The following RARB variants were observed in gnomAD, a reference collection of about 807,000 sequenced individuals.
The protein encoded by RARB is HBV-activated protein.
Under a neutral mutation model 51.9 loss-of-function variants are expected in RARB, and 17 were observed. The observed-to-expected ratio is 0.33, with a 90% CI of 0.22 to 0.49. The LOEUF (loss-of-function observed/expected upper bound fraction) is 0.49, where lower values mean the gene tolerates loss of function less well. Among genes scored for constraint, RARB ranks in the 20% least tolerant of loss-of-function variants. The pLI, the probability that RARB is intolerant of heterozygous loss-of-function variation, is 0.99. For synonymous variants in RARB, 215 were observed against 195.4 expected, an observed-to-expected ratio of 1.10 and a Z score of -0.84; for missense variants, 369 against 550.8, an observed-to-expected ratio of 0.67 and a Z score of 3.30.
chr3:24,964,996 T>A (rs1443357666), intron 2 of RARB, among the ~76,000 whole-genome samples: 1 of 152,328 alleles, frequency 6.6e-6, no homozygotes, highest in Middle Eastern at 3.4e-3. Context: ...AAAGATACTA[T>A]GAAGATGAAT....
At chr3:24,886,202 G>A (rs1703262842) in intron 2 of RARB, among the ~76,000 whole-genome samples, 1 of 152,146 alleles carries the variant, frequency 6.6e-6, no homozygotes, top group Non-Finnish European at 1.5e-5. Context: ...TTTTGACATT[G>A]AAATATACCT....
At chr3:24,928,616 C>T (rs542695688) in intron 2 of RARB, among the ~76,000 whole-genome samples, 1 of 152,038 alleles carries the variant, frequency 6.6e-6, no homozygotes, top group East Asian at 1.9e-4. Flanking sequence ...CAGCTTTAAG[C>T]TTCTCAGCAA....
At chr3:25,227,179 C>T (rs1200243747) in intron 5 of RARB, among the ~76,000 whole-genome samples, 4 of 151,980 alleles carry the variant, frequency 2.6e-5, no homozygotes, top group Non-Finnish European at 5.9e-5. Flanking sequence ...AATATGTTTG[C>T]TGAAACGATA....
Position 25,597,638 on chromosome 3 carries a change from A to C in RARB, c.*1022A>C, listed in dbSNP as rs1701914381. 7.1e-6 allele frequency: 1 copy of C among 141,062 alleles called. No homozygotes were observed. The highest frequency in any genetic ancestry group is 2.5e-5 in the African/African-American group (1 of 40,458). The allele number at this position is 141,062 out of a possible 1,614,324, so 8.7% of individuals were successfully genotyped here. On this transcript the variant is annotated 3_prime_UTR_variant, in exon 8 of 8. Coordinates refer to ENST00000330688, the MANE Select transcript of RARB (RefSeq NM_000965.5). ...GATGCCAAGGGGCTAATTAATATTA[A>C]CAACTCCCAAAGAAACAGGCATAGA...
At chr3:25,588,043 C>G (rs1416969144) in intron 5 of RARB, among the ~76,000 whole-genome samples, 1 of 152,192 alleles carries the variant, frequency 6.6e-6, no homozygotes, top group Non-Finnish European at 1.5e-5. Flanking sequence ...GAGAGCAAGA[C>G]AGGTAAAGAG....
At chr3:25,556,139 A>G (rs1203876627) in intron 3 of RARB, among the ~76,000 whole-genome samples, 1 of 152,128 alleles carries the variant, frequency 6.6e-6, no homozygotes, top group Non-Finnish European at 1.5e-5. Flanking sequence ...TCTTTTCCAA[A>G]TGACTCTCCA....
intron 5 of RARB, among the ~76,000 whole-genome samples, chr3:25,298,276 G>A (rs975540222): frequency 7.3e-5 from 11 of 151,028 alleles, no homozygotes; most frequent in Admixed American, 1.3e-4. Flanking sequence ...CTTGCCTCCC[G>A]GTTTCATGCA....
chr3:25,292,729 C>A lies in RARB; in HGVS notation c.178+118154C>A, dbSNP rs181084609. ...TTTCCCTTTGATATGGTCAGCTGTC[C>A]CCACTGGCAAGTGGGGAAGAAAGAG... On this transcript the variant is annotated intron_variant, in intron 5 of 11. Coordinates refer to the RARB transcript ENST00000383772. Among the ~76,000 whole-genome samples the A allele has an allele frequency of 2.2e-3, 338 of 152,178 alleles. 3 individuals carry two copies. The highest frequency in any genetic ancestry group is 7.8e-3 in the African/African-American group (324 of 41,510).
chr3:25,191,047 T>C (rs1701091931), intron 5 of RARB, among the ~76,000 whole-genome samples: 1 of 152,154 alleles, frequency 6.6e-6, no homozygotes, highest in Non-Finnish European at 1.5e-5. Context: ...AAAACAACTC[T>C]GTAAACACAA....
At chr3:25,083,908 A>G (rs960286967) in intron 3 of RARB, among the ~76,000 whole-genome samples, 5 of 152,144 alleles carry the variant, frequency 3.3e-5, no homozygotes, top group Admixed American at 6.6e-5. Flanking sequence ...TAAGGTTTCA[A>G]CTAGATGCCC....
intron 3 of RARB, among the ~76,000 whole-genome samples, chr3:25,132,037 C>T (rs559075429): frequency 6.6e-6 from 1 of 151,814 alleles, no homozygotes. Context: ...GAGTCAAGTA[C>T]TTGTCTGCTA....
intron 4 of RARB, among the ~76,000 whole-genome samples, chr3:25,171,643 T>TTAAAAAAAA (rs1553639737): frequency 1.3e-4 from 6 of 45,470 alleles, no homozygotes; most frequent in African/African-American, 4.9e-4. Context: ...CCCTGGTTGG[T>TTAAAAAAAA]AAAAAAAAAA....
intron 2 of RARB, among the ~76,000 whole-genome samples, chr3:25,015,767 C>T (rs1033257741): frequency 1.7e-4 from 26 of 152,138 alleles, no homozygotes; most frequent in African/African-American, 6.3e-4. Context: ...AGACTATATG[C>T]ATGTGAATAT....
chr3:25,496,424 G>C (rs1697037039), intron 2 of RARB, among the ~76,000 whole-genome samples: 1 of 152,138 alleles, frequency 6.6e-6, no homozygotes. Context: ...CAACTTGTCA[G>C]CTCAGGTTCC....
At chr3:25,172,062 C>T (rs938975210) in intron 4 of RARB, among the ~76,000 whole-genome samples, 2 of 152,094 alleles carry the variant, frequency 1.3e-5, no homozygotes, top group Non-Finnish European at 2.9e-5. Context: ...GTTGTATAAG[C>T]CAACAGGCAA....
At chr3:25,427,348 G>A (rs778460244), upstream of RARB, among the ~76,000 whole-genome samples, 3 of 152,206 alleles carry the variant, frequency 2.0e-5, no homozygotes, top group Non-Finnish European at 4.4e-5. Context: ...AGTTAACACT[G>A]ACGTGGGTAG....
chr3:25,233,704 C>T (rs899359515), intron 5 of RARB, among the ~76,000 whole-genome samples: 3 of 150,792 alleles, frequency 2.0e-5, no homozygotes, highest in African/African-American at 7.3e-5. Context: ...GTTGTAGGTG[C>T]CCTTTATTTG....
chr3:25,185,035 C>G (rs929573811), intron 5 of RARB, among the ~76,000 whole-genome samples: 1 of 152,206 alleles, frequency 6.6e-6, no homozygotes, highest in African/African-American at 2.4e-5. Flanking sequence ...TGCATTCTAA[C>G]TTCCAAAATG....
intron 2 of RARB, among the ~76,000 whole-genome samples, chr3:25,009,641 C>T (rs1010396035): frequency 2.0e-5 from 3 of 152,110 alleles, no homozygotes; most frequent in African/African-American, 4.8e-5. Context: ...AACACTTAGG[C>T]ATTTCACCCT....
Sources: gnomAD v4.1 joint callset for allele counts (sites outside exome capture counted in the v4.1 genomes callset) on GRCh38, gnomAD v4.1.1 for gene constraint, MANE v1.5 for transcripts, NCBI Gene and HGNC (gene_info 2026-07-23, HGNC 2026-07-21) for gene names.